Variants in PAK3 observed in about 807,000 individuals in gnomAD.
PAK3 encodes p21 (RAC1) activated kinase 3, also known as serine/threonine-protein kinase PAK 3.
In PAK3, 4 loss-of-function variants were observed where a neutral mutation model predicts 41.0. That is an observed-to-expected ratio of 0.10 (90% CI 0.05 to 0.22). The LOEUF (loss-of-function observed/expected upper bound fraction) is 0.22, where lower values mean the gene tolerates loss of function less well. Ranked by LOEUF, PAK3 falls within the 10% of genes least tolerant of loss-of-function variation. PAK3 has a pLI of 1.00. For missense variants in PAK3, 205 were observed against 409.9 expected (o/e 0.50, Z 4.32); for synonymous variants, 146 against 139.6 (o/e 1.05, Z -0.32).
intron 11 of PAK3, among the ~76,000 whole-genome samples, chrX:111,176,126 A>G (rs982806219): frequency 9.0e-6 from 1 of 110,733 alleles, no homozygotes; most frequent in Non-Finnish European, 1.9e-5. Flanking sequence ...TGCAGTTATG[A>G]TCAACAGCTG....
intron 1 of PAK3, among the ~76,000 whole-genome samples, chrX:110,984,919 A>T (rs758451574): frequency 9.1e-6 from 1 of 110,053 alleles, no homozygotes; most frequent in Non-Finnish European, 1.9e-5. Flanking sequence ...GCTTGAGCCC[A>T]GGAGTTTGAG....
At chrX:111,014,995 T>G (rs1332046409) in intron 1 of PAK3, among the ~76,000 whole-genome samples, 1 of 111,069 alleles carries the variant, frequency 9.0e-6, no homozygotes, top group African/African-American at 3.3e-5. Flanking sequence ...ATAATAGTAG[T>G]CATCTCAGGG....
chrX:110,952,626 C>T lies in PAK3; in HGVS notation c.-28+7998C>T, dbSNP rs1288816209. On this transcript the variant is annotated intron_variant, in intron 1 of 14. Transcript: ENST00000425146. Reference sequence around the variant, plus strand: ...GTACTGACACAGCCCACCCCAGGGACGATTTTGAGCTGTCAGAAGATGGGT... The same window carrying T: ...GTACTGACACAGCCCACCCCAGGGATGATTTTGAGCTGTCAGAAGATGGGT... Among the ~76,000 whole-genome samples the T allele has an allele frequency of 9.0e-5, 10 of 110,560 alleles. No homozygotes were observed. In the East Asian group the frequency reaches 2.0e-3, roughly 22 times the overall value.
chrX:111,096,909 C>CACACACACACAA (rs1319991693), intron 1 of PAK3, among the ~76,000 whole-genome samples: 3 of 109,079 alleles, frequency 2.8e-5, no homozygotes, highest in Non-Finnish European at 5.8e-5. Flanking sequence ...CACACACACA[C>CACACACACACAA]ACGAGGAAAG....
At chrX:111,121,485 G>T (rs1009766783) in intron 4 of PAK3, among the ~76,000 whole-genome samples, 6 of 111,846 alleles carry the variant, frequency 5.4e-5, no homozygotes, top group Non-Finnish European at 1.1e-4. Context: ...CTAACATGAT[G>T]TAACTTAGAG....
Position 111,079,732 on chromosome X carries a change from A to G in PAK3, c.-27-43345A>G, listed in dbSNP as rs764115953. Among the ~76,000 whole-genome samples, 3 of 112,526 alleles carry G rather than the reference A, an allele frequency of 2.7e-5. No homozygotes were observed. The East Asian group carries it at 8.3e-4, about 31-fold the overall frequency. On this transcript the variant is annotated intron_variant, in intron 1 of 14. Coordinates refer to the PAK3 transcript ENST00000425146. Reference sequence around the variant, plus strand: ...AGCAATTCTTCTGATCAGTCTGGACAAAGTAAATTGAAAACCTTCTGGAAA... The same window carrying G: ...AGCAATTCTTCTGATCAGTCTGGACGAAGTAAATTGAAAACCTTCTGGAAA...
intron 1 of PAK3, among the ~76,000 whole-genome samples, chrX:110,962,615 T>C (rs1192985503): frequency 3.6e-5 from 4 of 112,527 alleles, no homozygotes; most frequent in Non-Finnish European, 7.5e-5. Context: ...CATGCATCCC[T>C]GTGTGTGTTC....
At chrX:111,197,350 A>G (rs184690882) in intron 16 of PAK3, among the ~76,000 whole-genome samples, 34 of 112,159 alleles carry the variant, frequency 3.0e-4, no homozygotes, top group Admixed American at 1.0e-3. Context: ...AATTAACTCC[A>G]TGTCTTTGCT....
intron 1 of PAK3, among the ~76,000 whole-genome samples, chrX:111,085,599 C>T (rs1378388215): frequency 8.9e-6 from 1 of 111,796 alleles, no homozygotes; most frequent in Admixed American, 9.5e-5. Flanking sequence ...CCCTGGAGGT[C>T]GTGGGTATCA....
At chrX:111,152,722 C>T (rs2094047252) in intron 8 of PAK3, 1 of 228,405 alleles carries the variant, frequency 4.4e-6, no homozygotes, top group Non-Finnish European at 7.9e-6. Flanking sequence ...ACTCCACCCA[C>T]CCCACCCTAG....
intron 8 of PAK3, among the ~76,000 whole-genome samples, chrX:111,160,008 A>G (rs2094150411): frequency 8.9e-6 from 1 of 112,015 alleles, no homozygotes; most frequent in Non-Finnish European, 1.9e-5. Flanking sequence ...TGAATTTTTA[A>G]TCACAATTGA....
At chrX:111,141,023 G>C (rs776325821) in intron 5 of PAK3, among the ~76,000 whole-genome samples, 3 of 111,781 alleles carry the variant, frequency 2.7e-5, no homozygotes, top group Non-Finnish European at 3.8e-5. Flanking sequence ...GAAGTTGATT[G>C]GTCTTAACTG....
chrX:111,205,938 T>C (rs756751456), intron 16 of PAK3, among the ~76,000 whole-genome samples: 19 of 111,466 alleles, frequency 1.7e-4, no homozygotes, highest in Non-Finnish European at 9.4e-5. Context: ...ATGTATAATA[T>C]TAAATATTAC....
At chrX:111,001,567 A>G (rs1231033214) in intron 1 of PAK3, among the ~76,000 whole-genome samples, 1 of 112,277 alleles carries the variant, frequency 8.9e-6, no homozygotes, top group African/African-American at 3.2e-5. Flanking sequence ...ATGAGTGGAA[A>G]TGATGAAAAA....
At chrX:111,211,520 G>A (rs1352444313) in intron 16 of PAK3, among the ~76,000 whole-genome samples, 4 of 108,632 alleles carry the variant, frequency 3.7e-5, no homozygotes, top group South Asian at 8.3e-4. Flanking sequence ...TACTAAAAAT[G>A]CAAAAATTAG....
intron 4 of PAK3, among the ~76,000 whole-genome samples, chrX:111,107,487 A>G (rs5985585): frequency 0.014 from 1,541 of 112,340 alleles, 27 homozygotes; most frequent in African/African-American, 0.047. Flanking sequence ...GTGGATAAAA[A>G]GAAGCACAAA....
rs1037830110 is a variant in PAK3, at chrX:111,190,684, T to G, written c.831-1443T>G. 3.6e-5 allele frequency among the ~76,000 whole-genome samples: 4 copies of G among 111,401 alleles called. 1 individual carries two copies. The highest frequency in any genetic ancestry group is 1.9e-4 in the Admixed American group (2 of 10,441). ...AGGTCATATACACTTCCTGGACCTG[T>G]GAGAAATATTTGGGCTAATACAAGG... On this transcript the variant is annotated intron_variant, in intron 11 of 17. Coordinates refer to ENST00000372007, the MANE Select transcript of PAK3 (RefSeq NM_002578.5).
At chrX:111,046,918 C>T (rs1462575790) in intron 1 of PAK3, among the ~76,000 whole-genome samples, 2 of 111,728 alleles carry the variant, frequency 1.8e-5, no homozygotes, top group African/African-American at 6.5e-5. Context: ...TTGTACATAG[C>T]TCTCTGCATG....
In PAK3 at chrX:111,226,896, G is replaced by A. The variant is rs939664893; in HGVS notation, c.*6449G>A. On this transcript the variant is annotated 3_prime_UTR_variant, in exon 18 of 18. Coordinates refer to ENST00000372007, the MANE Select transcript of PAK3 (RefSeq NM_002578.5). ...CTAATGCATTGAGTTTTTAATCTCA[G>A]TACATCAGCCAGGAGGAGCCAGATC... The A allele has an allele frequency of 1.8e-5, 2 of 112,207 alleles. No individual in the cohort carries two copies. Among genetic ancestry groups the A allele is most frequent in the Non-Finnish European group, 3.8e-5 (2 of 53,257 alleles). 9.2% of individuals were successfully genotyped at this position (112,207 alleles called of 1,213,427 possible).
Sources: allele counts gnomAD v4.1 joint callset (sites outside exome capture counted in the v4.1 genomes callset), GRCh38; gene constraint gnomAD v4.1.1; transcripts MANE v1.5; gene names NCBI Gene and HGNC (gene_info 2026-07-23, HGNC 2026-07-21).